RPTOR: variants seen among roughly 807,000 people sequenced by gnomAD.
The protein encoded by RPTOR is regulatory associated protein of MTOR complex 1.
A neutral mutation model predicts 169.9 loss-of-function variants in RPTOR; 21 were observed. That is an observed-to-expected ratio of 0.12 (90% CI 0.09 to 0.18). RPTOR has a LOEUF of 0.18. Ranked by LOEUF, RPTOR falls within the 10% of genes least tolerant of loss-of-function variation. RPTOR has a pLI of 1.00. For synonymous variants in RPTOR, 732 were observed against 753.2 expected, an observed-to-expected ratio of 0.97 and a Z score of 0.46; for missense variants, 1,133 against 1,855.9, an observed-to-expected ratio of 0.61 and a Z score of 7.16.
intron 6 of RPTOR, among the ~76,000 whole-genome samples, chr17:80,784,886 G>C (rs1171333923): frequency 6.6e-6 from 1 of 151,696 alleles, no homozygotes; most frequent in Non-Finnish European, 1.5e-5. Flanking sequence ...TTTTGTTGTT[G>C]TTGTTTTGTT....
intron 6 of RPTOR, among the ~76,000 whole-genome samples, chr17:80,789,872 T>C (rs577870289): frequency 6.6e-6 from 1 of 152,274 alleles, no homozygotes; most frequent in Non-Finnish European, 1.5e-5. Context: ...CTTATCATTA[T>C]TGGCAAAAGG....
chr17:80,872,747 C>T (rs1013754070), intron 13 of RPTOR, among the ~76,000 whole-genome samples: 12 of 152,224 alleles, frequency 7.9e-5, no homozygotes, highest in African/African-American at 2.9e-4. Flanking sequence ...CGAGCCCTGG[C>T]AGGGGTGACG....
intron 1 of RPTOR, among the ~76,000 whole-genome samples, chr17:80,614,760 T>G (rs567983016): frequency 1.3e-5 from 2 of 152,236 alleles, no homozygotes; most frequent in Non-Finnish European, 2.9e-5. Flanking sequence ...GGAAGATGCA[T>G]GTGCCACTCT....
intron 21 of RPTOR, among the ~76,000 whole-genome samples, chr17:80,913,036 G>A (rs973633023): frequency 2.6e-5 from 4 of 152,182 alleles, no homozygotes; most frequent in African/African-American, 9.7e-5. Flanking sequence ...GCGTGTGTGT[G>A]TGTCTGAGTG....
At chr17:80,762,925 G>A (rs2066749797) in intron 6 of RPTOR, among the ~76,000 whole-genome samples, 1 of 152,166 alleles carries the variant, frequency 6.6e-6, no homozygotes. Flanking sequence ...AAAATGTTTT[G>A]AAATAAAGTT....
At chr17:80,769,578 C>G (rs1459866962) in intron 6 of RPTOR, among the ~76,000 whole-genome samples, 1 of 152,216 alleles carries the variant, frequency 6.6e-6, no homozygotes, top group Non-Finnish European at 1.5e-5. Flanking sequence ...GGGAGAGGTG[C>G]TCCCTCTCAT....
intron 1 of RPTOR, among the ~76,000 whole-genome samples, chr17:80,600,834 A>G (rs934083946): frequency 2.0e-5 from 3 of 151,720 alleles, no homozygotes; most frequent in African/African-American, 7.3e-5. Flanking sequence ...TATTTTCCAG[A>G]GATGACCGCA....
intron 21 of RPTOR, among the ~76,000 whole-genome samples, chr17:80,921,704 G>C (rs965715125): frequency 2.1e-4 from 32 of 152,182 alleles, no homozygotes; most frequent in Non-Finnish European, 2.4e-4. Flanking sequence ...CAGAGCCCAG[G>C]GTCTTGGCTT....
chr17:80,783,512 A>G (rs1361417255), intron 6 of RPTOR, among the ~76,000 whole-genome samples: 1 of 152,208 alleles, frequency 6.6e-6, no homozygotes, highest in Non-Finnish European at 1.5e-5. Flanking sequence ...CTTATAACCA[A>G]ATTATCTTAA....
rs116201688 is a variant in RPTOR, at chr17:80,908,683, T to C, written c.2402-128T>C. ...TTGCCAGAATAACAAAATGGGGGCT[T>C]CCTGTAACCTCGGCTCTTTAAAGCA... On this transcript the variant is annotated intron_variant, in intron 20 of 33. Coordinates refer to ENST00000306801, the MANE Select transcript of RPTOR (RefSeq NM_020761.3). The C allele has an allele frequency of 2.9e-3, 1,970 of 680,198 alleles. 29 individuals are homozygous for C. In the African/African-American group the frequency reaches 0.032, roughly 11 times the overall value. 42.1% of individuals were successfully genotyped at this position (680,198 alleles called of 1,614,324 possible).
chr17:80,965,341 C>T lies in RPTOR; in HGVS notation c.*1011C>T, dbSNP rs2069412977. Reference sequence around the variant, plus strand: ...ATACAGGCAAGAGGCACTGCCGGGTCCCGGACGGCTCCGGGTGACACCAGC... The same window carrying T: ...ATACAGGCAAGAGGCACTGCCGGGTTCCGGACGGCTCCGGGTGACACCAGC... On this transcript the variant is annotated 3_prime_UTR_variant, in exon 34 of 34. Coordinates refer to ENST00000306801, the MANE Select transcript of RPTOR (RefSeq NM_020761.3). 1.7e-5 allele frequency: 4 copies of T among 233,328 alleles called. No individual in the cohort carries two copies. In the Admixed American group the frequency reaches 2.2e-4, roughly 13 times the overall value. The allele number at this position is 233,328 out of a possible 1,614,324, so 14.5% of individuals were successfully genotyped here. A position where few individuals can be genotyped will look rare whatever the true frequency, so the allele number is the denominator to read the frequency against.
At chr17:80,951,282 T>C (rs1212673803) in intron 28 of RPTOR, among the ~76,000 whole-genome samples, 2 of 152,228 alleles carry the variant, frequency 1.3e-5, no homozygotes, top group Non-Finnish European at 2.9e-5. Flanking sequence ...TGGCCTGTGC[T>C]GCCCCACGGG....
chr17:80,719,134 C>G (rs922015824), intron 4 of RPTOR, among the ~76,000 whole-genome samples: 27 of 152,246 alleles, frequency 1.8e-4, no homozygotes, highest in Admixed American at 1.5e-3. Flanking sequence ...TAGGGGCAGA[C>G]ATGCTGCGGG....
intron 9 of RPTOR, among the ~76,000 whole-genome samples, chr17:80,833,519 C>T (rs556871519): frequency 1.3e-5 from 2 of 152,334 alleles, no homozygotes; most frequent in South Asian, 2.1e-4. Context: ...CTGCTGCCGC[C>T]GAAGCCCACC....
chr17:80,911,956 G>C (rs1409228977), intron 21 of RPTOR, among the ~76,000 whole-genome samples: 1 of 152,186 alleles, frequency 6.6e-6, no homozygotes, highest in Non-Finnish European at 1.5e-5. Flanking sequence ...AACCGGTCCC[G>C]AGGCCTCTCA....
At chr17:80,608,016 G>A (rs2065241103) in intron 1 of RPTOR, among the ~76,000 whole-genome samples, 1 of 152,170 alleles carries the variant, frequency 6.6e-6, no homozygotes, top group South Asian at 2.1e-4. Flanking sequence ...GTGACAAAAG[G>A]ATGTAGTTTT....
At chr17:80,760,960 A>C (rs1385614733) in intron 6 of RPTOR, among the ~76,000 whole-genome samples, 1 of 152,226 alleles carries the variant, frequency 6.6e-6, no homozygotes, top group Non-Finnish European at 1.5e-5. Context: ...TTATTTGATG[A>C]TGAACTTGTT....
At chr17:80,735,596 G>A (rs1041465910) in intron 5 of RPTOR, among the ~76,000 whole-genome samples, 15 of 152,298 alleles carry the variant, frequency 9.8e-5, no homozygotes, top group Admixed American at 5.2e-4. Flanking sequence ...ACAGCTCACC[G>A]TCACTGAAGA....
Position 80,545,392 on chromosome 17 carries a change from C to T in RPTOR, c.-238C>T. On this transcript the variant is annotated 5_prime_UTR_variant, in exon 1 of 34. Coordinates refer to ENST00000306801, the MANE Select transcript of RPTOR (RefSeq NM_020761.3). Reference sequence around the variant, plus strand: ...TGGGACCTGGGGTGGTGTGTGTCTGCGGAGCTTCTTGGGCTGCCCCATTTC... The same window carrying T: ...TGGGACCTGGGGTGGTGTGTGTCTGTGGAGCTTCTTGGGCTGCCCCATTTC... The T allele has an allele frequency of 2.4e-6, 1 of 409,582 alleles. No individual in the cohort carries two copies. Among genetic ancestry groups the T allele is most frequent in the Non-Finnish European group, 4.4e-6 (1 of 228,230 alleles). The allele number at this position is 409,582 out of a possible 1,614,324, so 25.4% of individuals were successfully genotyped here.
Sources: allele counts gnomAD v4.1 joint callset (sites outside exome capture counted in the v4.1 genomes callset), GRCh38; gene constraint gnomAD v4.1.1; transcripts MANE v1.5; gene names NCBI Gene and HGNC (gene_info 2026-07-23, HGNC 2026-07-21).